Variants in IFNLR1 observed in about 807,000 individuals in gnomAD.
The protein encoded by IFNLR1 is CRF2-12.
In IFNLR1, 28 loss-of-function variants were observed where a neutral mutation model predicts 52.5. That is an observed-to-expected ratio of 0.53 (90% CI 0.40 to 0.73). IFNLR1 has a LOEUF of 0.73. Ranked by LOEUF, IFNLR1 falls within the 30% of genes least tolerant of loss-of-function variation. The pLI is 0.00. For missense variants in IFNLR1, 623 were observed against 659.1 expected (o/e 0.95, Z 0.60); for synonymous variants, 276 against 274.9 (o/e 1.00, Z -0.04).
chr1:24,177,933 G>T (rs1644651150), intron 2 of IFNLR1, among the ~76,000 whole-genome samples: 1 of 152,044 alleles, frequency 6.6e-6, no homozygotes, highest in African/African-American at 2.4e-5. Context: ...AAATCCTAAG[G>T]AACTAAATTT....
In IFNLR1 at chr1:24,157,479, C is replaced by G. The variant is rs1644394002; in HGVS notation, c.1214G>C (p.Gly405Ala). The change falls in exon 7 of 7, where the codon GGC (glycine) becomes GCC (alanine). Residue 405 changes from glycine to alanine, a missense_variant. Transcript: ENST00000327535. The surrounding 1 kb of genome is among the most constrained non-coding windows in gnomAD (Gnocchi z 5.1). ...GCCTGGCCCCTTCTCAGCCAAATAG[C>G]CAGAGGACCCAGCCCTGTCCCAGGA... The part of the protein sequence containing the change: ...DSSWDRAGSS[G>A]YLAEKGPGQG... 6.2e-7 allele frequency: 1 copy of G among 1,613,212 alleles called. No individual in the cohort carries two copies. The highest frequency in any genetic ancestry group is 1.3e-5 in the African/African-American group (1 of 74,886).
chr1:24,157,989 C>T lies in IFNLR1; in HGVS notation c.802-98G>A. ...CCCTAGAAACAGACCTCAGACAAGGCTTCAAGTGTAAGCAGTTTCTTTGGG... is the reference window on the plus strand; with the variant it reads ...CCCTAGAAACAGACCTCAGACAAGGTTTCAAGTGTAAGCAGTTTCTTTGGG... On this transcript the variant is annotated intron_variant, in intron 6 of 6. Coordinates refer to ENST00000327535, the MANE Select transcript of IFNLR1 (RefSeq NM_170743.4). The surrounding 1 kb of genome is among the most constrained non-coding windows in gnomAD (Gnocchi z 5.1). 1.7e-6 allele frequency: 2 copies of T among 1,177,276 alleles called. No individual in the cohort carries two copies. Among genetic ancestry groups the T allele is most frequent in the South Asian group, 1.5e-5 (1 of 65,522 alleles). 72.9% of individuals were successfully genotyped at this position (1,177,276 alleles called of 1,614,324 possible). A position where few individuals can be genotyped will look rare whatever the true frequency, so the allele number is the denominator to read the frequency against.
chr1:24,180,672 T>TAC, intron 2 of IFNLR1, 59 bp downstream of exon 2: 13 of 432,134 alleles, frequency 3.0e-5, no homozygotes, highest in East Asian at 6.7e-5. Flanking sequence ...GAGAAGCCCC[T>TAC]CCAGCCCCCA....
intron 1 of IFNLR1, among the ~76,000 whole-genome samples, chr1:24,186,634 C>A (rs1230027712): frequency 6.6e-6 from 1 of 151,974 alleles, no homozygotes; most frequent in African/African-American, 2.4e-5. Context: ...AATTTTGTAC[C>A]TGACACCTTA....
rs1002181341 is a variant in IFNLR1, at chr1:24,169,499, C to T, written c.285G>A (p.Lys95=). The T allele has an allele frequency of 2.5e-6, 4 of 1,614,200 alleles. No individual in the cohort carries two copies. Among genetic ancestry groups the T allele is most frequent in the Non-Finnish European group, 3.4e-6 (4 of 1,180,038 alleles). ...AAACCGTCCGCACGCGTCCCTTGAA[C>T]TTGTTGTACAGGTCCTGTTTCTTCA... The part of the protein sequence containing the change: ...MCLKKQDLYN[K]FKGRVRTVSP... The change falls in exon 3 of 7, where the codon AAG becomes AAA. Residue 95 remains lysine (K), a synonymous_variant. Transcript: ENST00000327535.
At chr1:24,178,083 G>A (rs1557651866) in intron 2 of IFNLR1, among the ~76,000 whole-genome samples, 2 of 152,184 alleles carry the variant, frequency 1.3e-5, no homozygotes, top group South Asian at 2.1e-4. Flanking sequence ...TCAGGAGTTC[G>A]ACACCAGCCT....
intron 3 of IFNLR1, among the ~76,000 whole-genome samples, chr1:24,164,910 C>T (rs1569648921): frequency 6.6e-6 from 1 of 151,884 alleles, no homozygotes; most frequent in African/African-American, 2.4e-5. Flanking sequence ...TTACAGGTGC[C>T]CGCCACCACA....
intron 3 of IFNLR1, among the ~76,000 whole-genome samples, chr1:24,165,218 T>C (rs1644506143): frequency 6.6e-6 from 1 of 152,178 alleles, no homozygotes; most frequent in African/African-American, 2.4e-5. Flanking sequence ...GCCTTCCACA[T>C]TTTATTTGGA....
Position 24,168,882 on chromosome 1 carries a change from T to C in IFNLR1, c.367+535A>G, listed in dbSNP as rs192521094. The stretch of plus-strand genomic sequence containing the variant: ...CCTCAGCCTCCCGAGTAGCTGGGAT[T>C]ACAGGTGCCTGCCACCAAGCCTGGC... On this transcript the variant is annotated intron_variant, in intron 3 of 6. Transcript: ENST00000327535. Among the ~76,000 whole-genome samples, 492 of 152,282 alleles carry C rather than the reference T, an allele frequency of 3.2e-3. 4 individuals are homozygous for C. The highest frequency in any genetic ancestry group is 0.011 in the African/African-American group (473 of 41,550).
chr1:24,166,034 T>C (rs996548577), intron 3 of IFNLR1, among the ~76,000 whole-genome samples: 3 of 152,150 alleles, frequency 2.0e-5, no homozygotes, highest in Non-Finnish European at 4.4e-5. Context: ...AAAAAATTAA[T>C]GAAAACATTT....
At chr1:24,186,929 C>T (rs1644744998) in intron 1 of IFNLR1, among the ~76,000 whole-genome samples, 1 of 152,188 alleles carries the variant, frequency 6.6e-6, no homozygotes, top group African/African-American at 2.4e-5. Flanking sequence ...ATCAAACTGC[C>T]GCTGTCTTTT....
chr1:24,168,021 A>G (rs1461329626), intron 3 of IFNLR1, among the ~76,000 whole-genome samples: 1 of 151,986 alleles, frequency 6.6e-6, no homozygotes, highest in Admixed American at 6.6e-5. Context: ...GTATCTGTAT[A>G]TATCCTATTG....
At chr1:24,166,377 C>T (rs933807647) in intron 3 of IFNLR1, among the ~76,000 whole-genome samples, 2 of 152,018 alleles carry the variant, frequency 1.3e-5, no homozygotes, top group African/African-American at 4.8e-5. Context: ...TTCTTCTTTT[C>T]TCTTTCACCT....
intron 2 of IFNLR1, 40 bp downstream of exon 2, chr1:24,180,691 C>CCCCCCCCCTCCCCT: frequency 7.0e-7 from 1 of 1,437,896 alleles, no homozygotes; most frequent in Non-Finnish European, 9.5e-7. Context: ...CACCCACCCC[C>CCCCCCCCCTCCCCT]TCAGTCTTCC....
rs1214808230 is a variant in IFNLR1 at position 24,169,468 on chromosome 1, T to C, written c.316A>G (p.Ser106Gly). 5.0e-6 allele frequency: 8 copies of C among 1,614,220 alleles called. No individual in the cohort carries two copies. Among genetic ancestry groups the C allele is most frequent in the Non-Finnish European group, 6.8e-6 (8 of 1,180,042 alleles). Reference sequence around the variant, plus strand: ...GACTCCACCCAGGGGGACTTGGAGCTGGGAGAAACCGTCCGCACGCGTCCC... The same window carrying C: ...GACTCCACCCAGGGGGACTTGGAGCCGGGAGAAACCGTCCGCACGCGTCCC... Reference protein sequence around the residue: ...FKGRVRTVSPSSKSPWVESEY... With the variant: ...FKGRVRTVSPGSKSPWVESEY... Residue 106 changes from serine (S) to glycine (G), a missense_variant, in exon 3 of 7, where the codon AGC (serine) becomes GGC (glycine). Transcript: ENST00000327535.
chr1:24,167,288 C>T (rs1359187238), intron 3 of IFNLR1, among the ~76,000 whole-genome samples: 1 of 152,248 alleles, frequency 6.6e-6, no homozygotes, highest in Non-Finnish European at 1.5e-5. Flanking sequence ...AATCACACCA[C>T]AAGCTTTCCT....
intron 4 of IFNLR1, among the ~76,000 whole-genome samples, chr1:24,159,950 G>A (rs1644425686): frequency 6.6e-6 from 1 of 152,090 alleles, no homozygotes; most frequent in Non-Finnish European, 1.5e-5. Flanking sequence ...AGGTCTTGCT[G>A]TTGCCCAGGC....
chr1:24,159,711 C>A, intron 4 of IFNLR1, 78 bp from the exon 5 acceptor site: 5 of 993,238 alleles, frequency 5.0e-6, no homozygotes, highest in East Asian at 3.6e-5. Context: ...GTGGGGTTGG[C>A]AGACATGGTA....
chr1:24,157,164 CT>C lies in IFNLR1; in HGVS notation c.1528del (p.Arg510GlyfsTer65). On this transcript the variant is annotated frameshift_variant, in exon 7 of 7. Coordinates refer to ENST00000327535, the MANE Select transcript of IFNLR1 (RefSeq NM_170743.4). LOFTEE classifies it high-confidence loss of function. This position sits in a 1 kb window ranked among gnomAD's most constrained non-coding sequence, Gnocchi z 5.1. ...GAESTQRTED[R>X]GRTLGHYMAR ...CATGTAATGCCCCAATGTCCGGCCCCTGTCCTCGGTCCTCTGGGTGCTCTCA... is the reference window on the plus strand; with the variant it reads ...CATGTAATGCCCCAATGTCCGGCCCCGTCCTCGGTCCTCTGGGTGCTCTCA... 6.2e-7 allele frequency: 1 copy of C among 1,613,768 alleles called. No homozygotes were observed. Among genetic ancestry groups the C allele is most frequent in the Non-Finnish European group, 8.5e-7 (1 of 1,179,938 alleles).
Sources: gnomAD v4.1 joint callset for allele counts (sites outside exome capture counted in the v4.1 genomes callset) on GRCh38, gnomAD v4.1.1 for gene constraint, Gnocchi (gnomAD v3.1) non-coding constraint, MANE v1.5 for transcripts, NCBI Gene and HGNC (gene_info 2026-07-23, HGNC 2026-07-21) for gene names.